CAMKMT: variants seen among roughly 807,000 people sequenced by gnomAD.
CAMKMT encodes the protein calmodulin-lysine N-methyltransferase, also known as CaM KMT.
A neutral mutation model predicts 48.0 loss-of-function variants in CAMKMT; 53 were observed. The ratio of observed to expected loss-of-function variants is 1.10; its 90% CI spans 0.89 to 1.39. The LOEUF (loss-of-function observed/expected upper bound fraction) is 1.39, where lower values mean the gene tolerates loss of function less well. CAMKMT is among the 40% of genes most tolerant of loss of function. The probability of loss-of-function intolerance (pLI) is 0.00; values close to 1 mark genes in which losing one functional copy is unlikely to be tolerated. For missense variants in CAMKMT, 428 were observed against 402.7 expected (o/e 1.06, Z -0.54); for synonymous variants, 165 against 152.3 (o/e 1.08, Z -0.61).
intron 3 of CAMKMT, among the ~76,000 whole-genome samples, chr2:44,428,417 A>G (rs751866165): frequency 1.3e-5 from 2 of 152,018 alleles, no homozygotes; most frequent in Admixed American, 6.6e-5. Flanking sequence ...TCCTCTGCCA[A>G]TGGAGGTTGT....
intron 3 of CAMKMT, chr2:44,456,836 T>C (rs982779581): frequency 2.2e-6 from 1 of 450,112 alleles, no homozygotes; most frequent in Non-Finnish European, 3.9e-6. Context: ...AGCCCAATTA[T>C]GTTTTCTACA....
chr2:44,633,957 G>A (rs1672981423), intron 3 of CAMKMT, among the ~76,000 whole-genome samples: 1 of 152,036 alleles, frequency 6.6e-6, no homozygotes, highest in African/African-American at 2.4e-5. Flanking sequence ...TAAGCTTTTG[G>A]AGGACATGTC....
chr2:44,668,356 G>A (rs549482683), intron 3 of CAMKMT, among the ~76,000 whole-genome samples: 1 of 152,236 alleles, frequency 6.6e-6, no homozygotes, highest in South Asian at 2.1e-4. Flanking sequence ...TCAGACCCCA[G>A]CTCTCCTCGC....
At chr2:44,376,891 T>C (rs758694160) in intron 2 of CAMKMT, among the ~76,000 whole-genome samples, 13 of 152,328 alleles carry the variant, frequency 8.5e-5, no homozygotes, top group Middle Eastern at 6.8e-3. Context: ...CGTCTTTGTC[T>C]ACCTGTGGAT....
At chr2:44,726,728 T>C (rs1032662490) in intron 7 of CAMKMT, among the ~76,000 whole-genome samples, 1 of 152,246 alleles carries the variant, frequency 6.6e-6, no homozygotes, top group Non-Finnish European at 1.5e-5. Flanking sequence ...CTAGGTTGTC[T>C]TCCAGGATTT....
Position 44,556,450 on chromosome 2 carries a change from CTTTTTTTTTTTTTTTTTT to C in CAMKMT, c.377-147820_377-147803del, listed in dbSNP as rs1176467214. On this transcript the variant is annotated intron_variant, in intron 3 of 10. Coordinates refer to ENST00000378494, the MANE Select transcript of CAMKMT (RefSeq NM_024766.5). ...CACCGTGTCCAGCCAATTTTTCTTT[CTTTTTTTTTTTTTTTTTT>C]TTTTTTTTTTTTGAGACGGAGTCTC... 6.0e-5 allele frequency among the ~76,000 whole-genome samples: 3 copies of C among 50,278 alleles called. 1 individual carries two copies. The highest frequency in any genetic ancestry group is 1.1e-3 in the East Asian group (2 of 1,788). The allele number at this position is 50,278 out of a possible 152,430, so 33.0% of individuals were successfully genotyped here.
intron 3 of CAMKMT, among the ~76,000 whole-genome samples, chr2:44,605,004 A>G (rs941887156): frequency 1.3e-5 from 2 of 152,158 alleles, no homozygotes; most frequent in Non-Finnish European, 2.9e-5. Flanking sequence ...TGATGAACTG[A>G]GATAAAAAGT....
chr2:44,533,400 A>G (rs1300239875), intron 3 of CAMKMT, among the ~76,000 whole-genome samples: 3 of 150,942 alleles, frequency 2.0e-5, no homozygotes, highest in Admixed American at 1.3e-4. Context: ...CACCACACCC[A>G]GCTGATTTTT....
chr2:44,478,426 G>A (rs887439278), intron 3 of CAMKMT, among the ~76,000 whole-genome samples: 12 of 152,090 alleles, frequency 7.9e-5, no homozygotes, highest in Admixed American at 7.2e-4. Context: ...TTCATAGTAT[G>A]AGTGCTACTT....
At chr2:44,706,140 G>C in intron 4 of CAMKMT, 147 bp from the exon 5 acceptor site, 3 of 635,526 alleles carry the variant, frequency 4.7e-6, no homozygotes, top group Non-Finnish European at 8.2e-6. Flanking sequence ...AACGCAAAAC[G>C]ACATGAGGTA....
At chr2:44,388,141 G>C (rs550624516) in intron 2 of CAMKMT, among the ~76,000 whole-genome samples, 1 of 152,014 alleles carries the variant, frequency 6.6e-6, no homozygotes, top group Non-Finnish European at 1.5e-5. Context: ...CAGGAACACC[G>C]ATTATTCTTC....
At chr2:44,466,471 G>A (rs1668118222) in intron 3 of CAMKMT, among the ~76,000 whole-genome samples, 1 of 152,022 alleles carries the variant, frequency 6.6e-6, no homozygotes, top group African/African-American at 2.4e-5. Context: ...AACATCTGAA[G>A]GCAAATGAAA....
intron 3 of CAMKMT, among the ~76,000 whole-genome samples, chr2:44,649,315 A>G (rs1040345186): frequency 6.6e-6 from 1 of 152,136 alleles, no homozygotes; most frequent in Non-Finnish European, 1.5e-5. Flanking sequence ...TTCCAGGTTC[A>G]GTCCTAGGTG....
intron 9 of CAMKMT, among the ~76,000 whole-genome samples, chr2:44,764,452 G>T (rs1464163342): frequency 2.0e-5 from 3 of 152,098 alleles, no homozygotes; most frequent in African/African-American, 7.2e-5. Flanking sequence ...AAAAAGGCAG[G>T]GCAGGCTTTG....
At chr2:44,670,857 C>T (rs1020044972) in intron 3 of CAMKMT, among the ~76,000 whole-genome samples, 2 of 152,080 alleles carry the variant, frequency 1.3e-5, no homozygotes, top group African/African-American at 2.4e-5. Context: ...GAACATCTTT[C>T]GCCAATCCTC....
intron 3 of CAMKMT, among the ~76,000 whole-genome samples, chr2:44,605,358 T>G (rs1455354414): frequency 2.0e-5 from 3 of 152,166 alleles, no homozygotes; most frequent in Non-Finnish European, 2.9e-5. Context: ...CACATTTTTT[T>G]GAACATACTT....
In CAMKMT at chr2:44,707,468, C is replaced by G. The variant is rs762384041; in HGVS notation, c.556+6C>G. The G allele has an allele frequency of 1.2e-6, 2 of 1,610,458 alleles. No individual in the cohort carries two copies. Among genetic ancestry groups the G allele is most frequent in the East Asian group, 2.2e-5 (1 of 44,780 alleles). ...GAATGAAAAGGCCATCAGAAGTATC[C>G]TTATTCAGATAGAAAACGGGTTTGT... On this transcript the variant is annotated splice_donor_region_variant and intron_variant, in intron 6 of 10. Coordinates refer to ENST00000378494, the MANE Select transcript of CAMKMT (RefSeq NM_024766.5).
intron 3 of CAMKMT, among the ~76,000 whole-genome samples, chr2:44,673,459 A>AAG (rs1434660027): frequency 2.7e-4 from 36 of 134,916 alleles, no homozygotes; most frequent in African/African-American, 9.6e-4. Context: ...GAGAAAGAGA[A>AAG]AGAAAGAGAG....
At chr2:44,602,784 G>T (rs1028744197) in intron 3 of CAMKMT, among the ~76,000 whole-genome samples, 2 of 151,960 alleles carry the variant, frequency 1.3e-5, no homozygotes, top group Non-Finnish European at 2.9e-5. Context: ...AGGAAAATTC[G>T]CATCCACGAT....
Sources: allele counts gnomAD v4.1 joint callset (sites outside exome capture counted in the v4.1 genomes callset), GRCh38; gene constraint gnomAD v4.1.1; transcripts MANE v1.5; gene names NCBI Gene and HGNC (gene_info 2026-07-23, HGNC 2026-07-21).